SLC17A8: variants seen among roughly 807,000 people sequenced by gnomAD.
SLC17A8 encodes the protein solute carrier family 17 member 8, also known as vesicular glutamate transporter 3.
SLC17A8 carries 31 observed loss-of-function variants against 58.0 expected under a neutral mutation model. The observed-to-expected ratio is 0.53, with a 90% CI of 0.40 to 0.72. The LOEUF is 0.72. SLC17A8 is among the 30% of genes least tolerant of loss of function. The pLI, the probability that SLC17A8 is intolerant of heterozygous loss-of-function variation, is 0.00. For missense variants in SLC17A8, 655 were observed against 727.8 expected (o/e 0.90, Z 1.15); for synonymous variants, 228 against 249.0 (o/e 0.92, Z 0.79).
At chr12:100,376,850 C>A (rs946675260) in intron 1 of SLC17A8, among the ~76,000 whole-genome samples, 1 of 151,978 alleles carries the variant, frequency 6.6e-6, no homozygotes, top group Non-Finnish European at 1.5e-5. Context: ...CACTCTGTTA[C>A]CCAGGCTGGA....
At chr12:100,365,442 C>G (rs184852195) in intron 1 of SLC17A8, among the ~76,000 whole-genome samples, 4 of 152,248 alleles carry the variant, frequency 2.6e-5, no homozygotes, top group Admixed American at 2.6e-4. Context: ...CAAGATCACC[C>G]TTATTGCAGC....
At chr12:100,386,847 C>T (rs552874431) in intron 2 of SLC17A8, among the ~76,000 whole-genome samples, 3 of 152,058 alleles carry the variant, frequency 2.0e-5, no homozygotes, top group Middle Eastern at 3.2e-3. Context: ...TGCCACCATG[C>T]CAGGCTAATT....
At chr12:100,393,924 T>A (rs776891197) in intron 4 of SLC17A8, among the ~76,000 whole-genome samples, 57 of 152,212 alleles carry the variant, frequency 3.7e-4, no homozygotes, top group Admixed American at 5.9e-4. Context: ...TTTTGGACTT[T>A]ACAGGCCTTA....
At chr12:100,410,045 C>T (rs148716625) in intron 9 of SLC17A8, among the ~76,000 whole-genome samples, 75 of 152,238 alleles carry the variant, frequency 4.9e-4, no homozygotes, top group African/African-American at 1.8e-3. Flanking sequence ...CAGAGGAGGA[C>T]GAGTTGGGAA....
At chr12:100,384,000 C>A (rs992201596) in intron 2 of SLC17A8, among the ~76,000 whole-genome samples, 9 of 152,124 alleles carry the variant, frequency 5.9e-5, no homozygotes, top group Admixed American at 5.9e-4. Context: ...CTGTGCCTGG[C>A]CCATATTTTA....
intron 3 of SLC17A8, among the ~76,000 whole-genome samples, chr12:100,392,521 T>G (rs1424799695): frequency 6.6e-6 from 1 of 152,168 alleles, no homozygotes; most frequent in Non-Finnish European, 1.5e-5. Context: ...CTTGTCTAAT[T>G]TATGTCTTTT....
At chr12:100,364,527 C>G (rs1365132015) in intron 1 of SLC17A8, among the ~76,000 whole-genome samples, 1 of 152,186 alleles carries the variant, frequency 6.6e-6, no homozygotes, top group Admixed American at 6.5e-5. Flanking sequence ...CATAAGTGCA[C>G]TGCTCTAGCA....
chr12:100,398,372 G>T lies in SLC17A8; in HGVS notation c.676+1955G>T, dbSNP rs115847970. ...AAGACTCACCCCAGCTGGCCTTGTG[G>T]CTTGTTAGATCCTTGACCTTACTTT... is the stretch of plus-strand genomic sequence containing the variant. On this transcript the variant is annotated intron_variant, in intron 5 of 11. Transcript: ENST00000323346. Among the ~76,000 whole-genome samples, 1,511 of 152,270 alleles carry T rather than the reference G, an allele frequency of 9.9e-3. 23 individuals are homozygous for T. The highest frequency in any genetic ancestry group is 0.028 in the African/African-American group (1,165 of 41,544).
Position 100,402,327 on chromosome 12 carries a change from T to G in SLC17A8, c.764-13T>G. ...GAGACCATATAACCCAGCCTTTTCT[T>G]TTTTAACTGCAGGCATGTTTGGGAT... On this transcript the variant is annotated splice_polypyrimidine_tract_variant and intron_variant, in intron 6 of 11. Coordinates refer to ENST00000323346, the MANE Select transcript of SLC17A8 (RefSeq NM_139319.3). 1 of 1,614,112 alleles carries G rather than the reference T, an allele frequency of 6.2e-7. No homozygotes were observed. The highest frequency in any genetic ancestry group is 1.1e-5 in the South Asian group (1 of 91,072).
intron 1 of SLC17A8, among the ~76,000 whole-genome samples, chr12:100,367,843 G>A (rs1210176170): frequency 6.6e-6 from 1 of 152,188 alleles, no homozygotes; most frequent in African/African-American, 2.4e-5. Flanking sequence ...GTGAACCCCT[G>A]TGCCCAGCTT....
intron 10 of SLC17A8, among the ~76,000 whole-genome samples, chr12:100,415,164 T>C (rs1212880888): frequency 6.6e-6 from 1 of 152,168 alleles, no homozygotes; most frequent in Non-Finnish European, 1.5e-5. Flanking sequence ...TGTTTTCCTT[T>C]TTTTTTAGAC....
At chr12:100,379,433 C>T (rs1250649442) in intron 1 of SLC17A8, among the ~76,000 whole-genome samples, 1 of 32,620 alleles carries the variant, frequency 3.1e-5, no homozygotes. Flanking sequence ...AGATTCCGTC[C>T]CCAAAAAAAA....
At chr12:100,389,558 T>C (rs1268606050) in intron 2 of SLC17A8, among the ~76,000 whole-genome samples, 1 of 151,770 alleles carries the variant, frequency 6.6e-6, no homozygotes, top group African/African-American at 2.4e-5. Flanking sequence ...TTGTGTTTTT[T>C]CTCTCTGTGT....
chr12:100,374,390 T>C (rs1952579744), intron 1 of SLC17A8, among the ~76,000 whole-genome samples: 1 of 152,198 alleles, frequency 6.6e-6, no homozygotes, highest in Non-Finnish European at 1.5e-5. Context: ...GATGGGTGGA[T>C]TGCTTGAGGC....
chr12:100,418,105 C>T lies in SLC17A8; in HGVS notation c.1374C>T (p.Thr458=), dbSNP rs781217087. The T allele has an allele frequency of 6.2e-7, 1 of 1,614,140 alleles. No homozygotes were observed. The highest frequency in any genetic ancestry group is 8.5e-7 in the Non-Finnish European group (1 of 1,180,020). The part of the protein sequence containing the change: ...ILMGISNGVG[T]LSGMVCPLIV... ...TGGGGATCTCAAACGGAGTGGGAACCCTCTCTGGAATGGTCTGTCCCCTCA... is the reference window on the plus strand; with the variant it reads ...TGGGGATCTCAAACGGAGTGGGAACTCTCTCTGGAATGGTCTGTCCCCTCA... The change falls in exon 11 of 12, where the codon ACC becomes ACT. Residue 458 remains threonine (T), a synonymous_variant. Transcript: ENST00000323346.
At chr12:100,376,038 T>C (rs982802321) in intron 1 of SLC17A8, among the ~76,000 whole-genome samples, 4 of 152,054 alleles carry the variant, frequency 2.6e-5, no homozygotes, top group African/African-American at 2.4e-5. Context: ...CTGATGTCCT[T>C]ATATGAAGAA....
At chr12:100,385,227 T>C (rs937107767) in intron 2 of SLC17A8, among the ~76,000 whole-genome samples, 2 of 133,688 alleles carry the variant, frequency 1.5e-5, no homozygotes, top group African/African-American at 5.8e-5. Context: ...CTTTGCTGTC[T>C]TAAACATTTT....
intron 4 of SLC17A8, among the ~76,000 whole-genome samples, chr12:100,394,356 ATCTT>A (rs1332899490): frequency 6.7e-6 from 1 of 148,854 alleles, no homozygotes; most frequent in African/African-American, 2.5e-5. Context: ...AAGCAATACC[ATCTT>A]TGAAATCATG....
intron 3 of SLC17A8, among the ~76,000 whole-genome samples, chr12:100,391,646 T>A (rs1204095481): frequency 1.3e-5 from 2 of 152,130 alleles, no homozygotes; most frequent in East Asian, 1.9e-4. Flanking sequence ...CCAATTAAAT[T>A]TACCTTGCAA....
Sources: allele counts gnomAD v4.1 joint callset (sites outside exome capture counted in the v4.1 genomes callset), GRCh38; gene constraint gnomAD v4.1.1; transcripts MANE v1.5; gene names NCBI Gene and HGNC (gene_info 2026-07-23, HGNC 2026-07-21).